The following RCL1 variants were observed in gnomAD, a reference collection of about 807,000 sequenced individuals.
RCL1 encodes the protein RNA terminal phosphate cyclase like 1, also known as RNA 3'-terminal phosphate cyclase-like protein.
A neutral mutation model predicts 42.4 loss-of-function variants in RCL1; 24 were observed. The ratio of observed to expected loss-of-function variants is 0.57; its 90% confidence interval spans 0.41 to 0.80. The LOEUF is 0.80. Ranked by LOEUF, RCL1 falls within the 30% of genes least tolerant of loss-of-function variation. The probability of loss-of-function intolerance (pLI) is 0.00; values close to 1 mark genes in which losing one functional copy is unlikely to be tolerated. For synonymous variants in RCL1, 228 were observed against 177.3 expected (o/e 1.29, Z -2.27); for missense variants, 578 against 467.9 (o/e 1.24, Z -2.17).
intron 5 of RCL1, 73 bp from the exon 6 acceptor site, chr9:4,841,159 T>C: frequency 2.5e-6 from 4 of 1,573,464 alleles, no homozygotes; most frequent in Non-Finnish European, 3.5e-6. Flanking sequence ...CCACAAATAC[T>C]TGCCAGCTTT....
At chr9:4,853,062 G>T (rs566407757) in intron 8 of RCL1, among the ~76,000 whole-genome samples, 1 of 152,132 alleles carries the variant, frequency 6.6e-6, no homozygotes, top group Non-Finnish European at 1.5e-5. Flanking sequence ...TAAGAATTCT[G>T]TAAGGTAGAT....
chr9:4,796,850 C>T (rs1403624406), intron 1 of RCL1, among the ~76,000 whole-genome samples: 1 of 152,104 alleles, frequency 6.6e-6, no homozygotes. Flanking sequence ...GTACAGGTGC[C>T]TTTTTTGTAT....
At chr9:4,835,882 T>A (rs1817110519) in intron 5 of RCL1, among the ~76,000 whole-genome samples, 1 of 152,204 alleles carries the variant, frequency 6.6e-6, no homozygotes, top group South Asian at 2.1e-4. Context: ...AAATGGTTAC[T>A]ACTATTCTTT....
intron 1 of RCL1, among the ~76,000 whole-genome samples, chr9:4,822,438 TCTC>T (rs1304720714): frequency 6.6e-6 from 1 of 152,164 alleles, no homozygotes. Context: ...AGTCTTCACT[TCTC>T]CTCCCATAAT....
intron 1 of RCL1, among the ~76,000 whole-genome samples, chr9:4,802,395 A>G (rs1353503818): frequency 2.0e-5 from 3 of 152,146 alleles, no homozygotes; most frequent in South Asian, 4.1e-4. Flanking sequence ...AAGCTTTCCA[A>G]TATTTTGACA....
At chr9:4,840,279 G>A (rs927510067) in intron 5 of RCL1, among the ~76,000 whole-genome samples, 1 of 152,198 alleles carries the variant, frequency 6.6e-6, no homozygotes, top group African/African-American at 2.4e-5. Context: ...CGTTCTACCT[G>A]TTGGACTTGT....
intron 1 of RCL1, among the ~76,000 whole-genome samples, chr9:4,798,372 G>A (rs1187044950): frequency 6.6e-6 from 1 of 152,192 alleles, no homozygotes; most frequent in Non-Finnish European, 1.5e-5. Flanking sequence ...CAGTGACATA[G>A]GAGTCAGAAG....
At position 4,860,172 on chromosome 9, in the gene RCL1, A is replaced by T; in HGVS notation, c.1019A>T (p.Lys340Ile). ...HLKSFFQIMF[K>I]IETKPCGEEL... ...AAGAGCTTTTTCCAGATTATGTTTA[A>T]AATTGAAACCAAGCCATGTGGTGAA... Residue 340 changes from lysine (K) to isoleucine (I), a missense_variant, in exon 9 of 9, where the codon AAA (lysine) becomes ATA (isoleucine). Physicochemically the swap from Lys to Ile is moderately radical, Grantham distance 102. Coordinates refer to ENST00000381750, the MANE Select transcript of RCL1 (RefSeq NM_005772.5). 6.2e-7 allele frequency: 1 copy of T among 1,610,168 alleles called. No individual in the cohort carries two copies. Among genetic ancestry groups the T allele is most frequent in the East Asian group, 2.2e-5 (1 of 44,654 alleles).
At chr9:4,800,710 T>G (rs754660265) in intron 1 of RCL1, among the ~76,000 whole-genome samples, 85 of 149,528 alleles carry the variant, frequency 5.7e-4, no homozygotes, top group Admixed American at 1.1e-3. Context: ...TGGAATGCAG[T>G]GATGTGATCT....
intron 5 of RCL1, among the ~76,000 whole-genome samples, chr9:4,837,954 T>A (rs552796666): frequency 2.0e-5 from 3 of 152,366 alleles, no homozygotes; most frequent in South Asian, 4.1e-4. Flanking sequence ...GATCCCTGTC[T>A]GTTAACCAAA....
chr9:4,850,772 A>G (rs1038000581), intron 8 of RCL1, among the ~76,000 whole-genome samples: 5 of 152,098 alleles, frequency 3.3e-5, no homozygotes, highest in African/African-American at 1.2e-4. Flanking sequence ...ATGGCACCCT[A>G]GGTACAGAGA....
chr9:4,831,312 T>C (rs905866516), intron 3 of RCL1, among the ~76,000 whole-genome samples: 5 of 148,800 alleles, frequency 3.4e-5, no homozygotes, highest in African/African-American at 7.8e-5. Flanking sequence ...TTTTTTCACC[T>C]TTTTTTCCCT....
intron 8 of RCL1, 110 bp from the exon 9 acceptor site, chr9:4,860,015 T>G: frequency 2.9e-6 from 2 of 692,902 alleles, no homozygotes; most frequent in South Asian, 5.1e-5. Context: ...AGGTCTTAAC[T>G]TCAGCCCTCT....
rs554115755 is a variant in RCL1, at chr9:4,845,331, C to G, written c.867+650C>G. Among the ~76,000 whole-genome samples the G allele has an allele frequency of 3.3e-5, 5 of 152,358 alleles. No individual in the cohort carries two copies. The East Asian group carries it at 9.6e-4, about 29-fold the overall frequency. On this transcript the variant is annotated intron_variant, in intron 7 of 8. Transcript: ENST00000381750. ...GGGGTAAACTGATGTTGAAGACAGA[C>G]TCAACCAGTTGTCATTTTGCTTCTG...
chr9:4,849,384 TC>T (rs1316773163), intron 7 of RCL1, 62 bp from the exon 8 acceptor site: 19 of 1,269,732 alleles, frequency 1.5e-5, no homozygotes, highest in Non-Finnish European at 2.0e-5. Flanking sequence ...GTTTTTTTTT[TC>T]CTCCTCTCTT....
At chr9:4,846,070 A>G (rs115431046) in intron 7 of RCL1, among the ~76,000 whole-genome samples, 2,798 of 152,306 alleles carry the variant, frequency 0.018, 85 homozygotes, top group African/African-American at 0.064. Context: ...AAGCCTGACT[A>G]GCCATAGGTA....
Position 4,827,383 on chromosome 9 carries a change from G to A in RCL1, c.384+350G>A, listed in dbSNP as rs1037635945. 8.6e-5 allele frequency: 72 copies of A among 839,106 alleles called. No homozygotes were observed. The Admixed American group carries it at 2.3e-3, about 27-fold the overall frequency. 52.0% of individuals were successfully genotyped at this position (839,106 alleles called of 1,614,324 possible). ...AGATCCTGTGGTAGCTGAGGCTGGAGGGCAGCTGACCAAAATTTTGGGCAG... is the reference window on the plus strand; with the variant it reads ...AGATCCTGTGGTAGCTGAGGCTGGAAGGCAGCTGACCAAAATTTTGGGCAG... On this transcript the variant is annotated intron_variant, in intron 3 of 8. Coordinates refer to ENST00000381750, the MANE Select transcript of RCL1 (RefSeq NM_005772.5).
At chr9:4,853,684 G>T (rs1817836456) in intron 8 of RCL1, among the ~76,000 whole-genome samples, 1 of 152,156 alleles carries the variant, frequency 6.6e-6, no homozygotes, top group African/African-American at 2.4e-5. Context: ...CAAGCACCTT[G>T]CCTGAGGCAG....
chr9:4,827,082 C>A (rs73383262), intron 3 of RCL1, 49 bp downstream of exon 3: 8 of 1,612,422 alleles, frequency 5.0e-6, no homozygotes, highest in Non-Finnish European at 5.9e-6. Flanking sequence ...TGTCTCTTGT[C>A]ACAACCCAAC....
Sources: gnomAD v4.1 joint callset for allele counts (sites outside exome capture counted in the v4.1 genomes callset) on GRCh38, gnomAD v4.1.1 for gene constraint, MANE v1.5 for transcripts, NCBI Gene and HGNC (gene_info 2026-07-23, HGNC 2026-07-21) for gene names.